The following CCDC191 variants were observed in gnomAD, a reference collection of about 807,000 sequenced individuals.
The protein encoded by CCDC191 is coiled-coil domain containing 191.
In CCDC191, 99 loss-of-function variants were observed where a neutral mutation model predicts 114.0. That is an observed-to-expected ratio of 0.87 (90% CI 0.74 to 1.03). The LOEUF is 1.03. CCDC191 is among the 50% of genes least tolerant of loss of function. CCDC191 has a pLI of 0.00. For synonymous variants in CCDC191, 351 were observed against 376.0 expected (o/e 0.93, Z 0.77); for missense variants, 973 against 1,087.0 (o/e 0.90, Z 1.47).
At chr3:114,017,557 TA>T (rs2076179483) in intron 8 of CCDC191, among the ~76,000 whole-genome samples, 1 of 152,254 alleles carries the variant, frequency 6.6e-6, no homozygotes, top group African/African-American at 2.4e-5. Flanking sequence ...CATGCCCTTC[TA>T]TGTAACAATA....
chr3:114,018,735 A>C lies in CCDC191; in HGVS notation c.1106T>G (p.Phe369Cys). The C allele has an allele frequency of 1.2e-6, 2 of 1,613,186 alleles. No homozygotes were observed. Among genetic ancestry groups the C allele is most frequent in the Non-Finnish European group, 1.7e-6 (2 of 1,179,566 alleles). The change falls in exon 8 of 17, where the codon TTC (phenylalanine) becomes TGC (cysteine). Residue 369 changes from phenylalanine to cysteine, a missense_variant. Physicochemically the swap from Phe to Cys is radical, Grantham distance 205 (BLOSUM62 -2). Coordinates refer to ENST00000295878, the MANE Select transcript of CCDC191 (RefSeq NM_020817.2). ...TTGAGTCTCCCGCTCCAACTTCTGG[A>C]ATCTTGTGTAGTCTCTCCAGGCCCG... ...VLRAWRDYTR[F>C]QKLERETQAL...
In CCDC191 at chr3:114,046,639, A is replaced by C; in HGVS notation, c.223T>G (p.Leu75Val). 2 of 1,611,922 alleles carry C rather than the reference A, an allele frequency of 1.2e-6. No homozygotes were observed. The highest frequency in any genetic ancestry group is 1.7e-6 in the Non-Finnish European group (2 of 1,178,182). Residue 75 changes from leucine to valine, a missense_variant, in exon 3 of 17, where the codon TTG becomes GTG. By Grantham distance (32) the Leu-to-Val change is conservative (BLOSUM62 1). Transcript: ENST00000295878. ...TCCTCTATTTGCTCAGATGTTTTCA[A>C]ATCTGTGATTTGGCCCCAGGGACTT... ...PRSPWGQITD[L>V]KTSEQIEDHD... is the part of the protein sequence containing the mutation.
intron 5 of CCDC191, among the ~76,000 whole-genome samples, chr3:114,035,382 A>G (rs1000466290): frequency 6.6e-6 from 1 of 152,218 alleles, no homozygotes; most frequent in Admixed American, 6.5e-5. Flanking sequence ...AATGATCCAC[A>G]TCACAGAAAA....
At chr3:113,993,226 G>A (rs2075626544) in intron 13 of CCDC191, among the ~76,000 whole-genome samples, 1 of 152,144 alleles carries the variant, frequency 6.6e-6, no homozygotes, top group African/African-American at 2.4e-5. Context: ...GAGCCCAGGA[G>A]TTTGAGACCA....
intron 13 of CCDC191, among the ~76,000 whole-genome samples, chr3:113,999,035 T>G (rs889689518): frequency 2.6e-5 from 4 of 152,152 alleles, no homozygotes; most frequent in African/African-American, 9.7e-5. Flanking sequence ...ACCAGCTAGG[T>G]GGCAATACCT....
intron 7 of CCDC191, among the ~76,000 whole-genome samples, chr3:114,023,949 T>C (rs1461658714): frequency 6.6e-6 from 1 of 151,966 alleles, no homozygotes; most frequent in Non-Finnish European, 1.5e-5. Flanking sequence ...ATTTTTGCAA[T>C]CTACTCATCT....
At chr3:114,006,069 T>A in intron 9 of CCDC191, 107 bp from the exon 10 acceptor site, 2 of 986,882 alleles carry the variant, frequency 2.0e-6, no homozygotes, top group South Asian at 1.3e-5. Flanking sequence ...AACTGCCATG[T>A]ATTGCAGGTA....
intron 1 of CCDC191, 77 bp downstream of exon 1, chr3:114,056,300 A>G: frequency 2.1e-6 from 3 of 1,395,474 alleles, no homozygotes; most frequent in Admixed American, 3.4e-5. Context: ...GGAAGCACAG[A>G]CGGGCCGCGA....
intron 2 of CCDC191, among the ~76,000 whole-genome samples, chr3:114,052,249 T>A (rs922908594): frequency 6.6e-6 from 1 of 151,960 alleles, no homozygotes; most frequent in African/African-American, 2.4e-5. Flanking sequence ...AGAGGAATGA[T>A]AAAAGATGAT....
intron 13 of CCDC191, among the ~76,000 whole-genome samples, chr3:113,988,231 C>G (rs934234349): frequency 6.6e-6 from 1 of 151,506 alleles, no homozygotes; most frequent in African/African-American, 2.4e-5. Flanking sequence ...TGCAGTGGCT[C>G]ACGCCTGTAA....
chr3:113,982,217 A>C lies in CCDC191; in HGVS notation c.2164-1424T>G, dbSNP rs142590853. 4.6e-3 allele frequency among the ~76,000 whole-genome samples: 699 copies of C among 152,306 alleles called. 7 individuals are homozygous for C. Among genetic ancestry groups the C allele is most frequent in the African/African-American group, 0.016 (665 of 41,562 alleles). On this transcript the variant is annotated intron_variant, in intron 13 of 16. Coordinates refer to ENST00000295878, the MANE Select transcript of CCDC191 (RefSeq NM_020817.2). The stretch of plus-strand genomic sequence containing the variant: ...AATTATTTTCAGCTGAATTGTGGGG[A>C]AAACCAGACTTTTTCAAAGTCTACA...
chr3:113,989,623 A>C (rs2075489097), intron 13 of CCDC191, among the ~76,000 whole-genome samples: 1 of 152,250 alleles, frequency 6.6e-6, no homozygotes, highest in South Asian at 2.1e-4. Flanking sequence ...GTAAAGATAA[A>C]AATATCAAAA....
At chr3:114,039,899 T>C (rs890860012) in intron 4 of CCDC191, among the ~76,000 whole-genome samples, 1 of 151,970 alleles carries the variant, frequency 6.6e-6, no homozygotes, top group Non-Finnish European at 1.5e-5. Context: ...GAAAGAAAAA[T>C]ATGTTTTTAT....
intron 16 of CCDC191, 27 bp from the exon 17 acceptor site, chr3:113,965,386 G>A (rs1940017735): frequency 1.4e-6 from 2 of 1,449,116 alleles, no homozygotes; most frequent in East Asian, 4.6e-5. Context: ...GGAAAAAAGT[G>A]AAATGTTGAG....
At position 114,042,763 on chromosome 3, in the gene CCDC191, C is replaced by A. The variant is rs372324891; in HGVS notation, c.355G>T (p.Val119Leu). Residue 119 changes from valine (V) to leucine (L), a missense_variant, in exon 4 of 17, where the codon GTG becomes TTG. By Grantham distance (32) the Val-to-Leu change is conservative. Transcript: ENST00000295878. ...SEEEGDAKNT[V>L]SSVTIMPEAN... ...TCCGGCATAATAGTGACACTTGACACAGTGTTTTTAGCATCACCTTCTTCC... is the reference window on the plus strand; with the variant it reads ...TCCGGCATAATAGTGACACTTGACAAAGTGTTTTTAGCATCACCTTCTTCC... 2.5e-5 allele frequency: 40 copies of A among 1,599,938 alleles called. 1 individual carries two copies. In the African/African-American group the frequency reaches 4.9e-4, roughly 19 times the overall value.
intron 13 of CCDC191, among the ~76,000 whole-genome samples, chr3:113,981,660 AG>A (rs1457440778): frequency 6.6e-6 from 1 of 152,200 alleles, no homozygotes; most frequent in African/African-American, 2.4e-5. Flanking sequence ...CATTAGGAAA[AG>A]GGCAGTGGTG....
At chr3:113,980,412 G>A (rs2075105134) in intron 14 of CCDC191, among the ~76,000 whole-genome samples, 1 of 152,044 alleles carries the variant, frequency 6.6e-6, no homozygotes, top group Non-Finnish European at 1.5e-5. Context: ...CTTACCTTGG[G>A]GGGATCTCTA....
chr3:113,999,762 T>C (rs187928886), intron 13 of CCDC191, among the ~76,000 whole-genome samples: 2 of 152,320 alleles, frequency 1.3e-5, no homozygotes, highest in Admixed American at 6.5e-5. Flanking sequence ...ATGAATACAT[T>C]TGTGCATTTT....
intron 16 of CCDC191, among the ~76,000 whole-genome samples, chr3:113,976,591 G>T (rs1425938947): frequency 6.6e-6 from 1 of 151,398 alleles, no homozygotes; most frequent in Non-Finnish European, 1.5e-5. Flanking sequence ...GAAAACATAG[G>T]CAGGCAAAAA....
Sources: allele counts gnomAD v4.1 joint callset (sites outside exome capture counted in the v4.1 genomes callset), GRCh38; gene constraint gnomAD v4.1.1; transcripts MANE v1.5; gene names NCBI Gene and HGNC (gene_info 2026-07-23, HGNC 2026-07-21).